The following PAPOLA variants were observed in gnomAD, a reference collection of about 807,000 sequenced individuals.
PAPOLA encodes the protein polynucleotide adenylyltransferase alpha.
A neutral mutation model predicts 100.6 loss-of-function variants in PAPOLA; 15 were observed. The observed-to-expected ratio is 0.15, with a 90% confidence interval of 0.10 to 0.23. PAPOLA has a LOEUF of 0.23. Among genes scored for constraint, PAPOLA ranks in the 10% least tolerant of loss-of-function variants. The probability of loss-of-function intolerance (pLI) is 1.00; values close to 1 mark genes in which losing one functional copy is unlikely to be tolerated. For missense variants in PAPOLA, 533 were observed against 884.2 expected, an observed-to-expected ratio of 0.60 and a Z score of 5.04; for synonymous variants, 293 against 300.0, an observed-to-expected ratio of 0.98 and a Z score of 0.24.
intron 1 of PAPOLA, among the ~76,000 whole-genome samples, chr14:96,518,234 A>G (rs1403337267): frequency 1.3e-5 from 2 of 152,232 alleles, no homozygotes; most frequent in Non-Finnish European, 2.9e-5. Flanking sequence ...TCCAGCAGCT[A>G]ATTAGTAACA....
Position 96,546,373 on chromosome 14 carries a change from A to G in PAPOLA, c.1400-1424A>G, listed in dbSNP as rs575838764. Among the ~76,000 whole-genome samples, 16 of 152,138 alleles carry G rather than the reference A, an allele frequency of 1.1e-4. No homozygotes were observed. In the South Asian group the frequency reaches 3.1e-3, roughly 30 times the overall value. ...TTGCCCCCTTCAGCTGTTCTTACCT[A>G]GTGTCCAGATGATATTTTTAAGCCA... is the stretch of plus-strand genomic sequence containing the variant. On this transcript the variant is annotated intron_variant, in intron 15 of 21. Coordinates refer to ENST00000216277, the MANE Select transcript of PAPOLA (RefSeq NM_032632.5).
At chr14:96,525,975 C>G (rs1440295896) in intron 4 of PAPOLA, 1 of 152,084 alleles carries the variant, frequency 6.6e-6, no homozygotes, top group Non-Finnish European at 1.5e-5. Context: ...AAAATGAATT[C>G]TAGCTTTTAA....
chr14:96,560,363 T>TA, intron 19 of PAPOLA: 1 of 244,230 alleles, frequency 4.1e-6, no homozygotes, highest in East Asian at 8.8e-5. Flanking sequence ...TTCTTTTCCT[T>TA]ACAAAATATA....
At chr14:96,558,573 A>G (rs1033720682) in intron 19 of PAPOLA, among the ~76,000 whole-genome samples, 2 of 152,138 alleles carry the variant, frequency 1.3e-5, no homozygotes, top group Non-Finnish European at 2.9e-5. Flanking sequence ...AGAATTTTTA[A>G]ACTTAAGTAT....
intron 6 of PAPOLA, among the ~76,000 whole-genome samples, chr14:96,530,331 A>G (rs758161347): frequency 2.6e-5 from 4 of 151,908 alleles, no homozygotes; most frequent in Non-Finnish European, 5.9e-5. Context: ...ACTGACAACC[A>G]GGTATTTGTA....
At chr14:96,504,719 T>TGTAGTA (rs1419309136) in intron 1 of PAPOLA, 1 of 152,214 alleles carries the variant, frequency 6.6e-6, no homozygotes, top group Non-Finnish European at 1.5e-5. Flanking sequence ...CGATAATTAC[T>TGTAGTA]GTAGTAAACA....
rs1900105674 is a variant in PAPOLA at position 96,542,889 on chromosome 14, G to A, written c.1285G>A (p.Asp429Asn). ...ATTTCCAGCACCCAAAGAAAATCCC[G>A]ACAAGTAAGCCCTTTTCTAATTTAA... The part of the protein sequence containing the change: ...QSFPAPKENP[D>N]KEEFRTMWVI... The change falls in exon 14 of 22, where the codon GAC becomes AAC. Residue 429 changes from aspartate (D) to asparagine (N), a missense_variant. Physicochemically the swap from Asp to Asn is conservative, Grantham distance 23. Coordinates refer to ENST00000216277, the MANE Select transcript of PAPOLA (RefSeq NM_032632.5). 4.3e-6 allele frequency: 7 copies of A among 1,611,444 alleles called. No individual in the cohort carries two copies. Among genetic ancestry groups the A allele is most frequent in the Non-Finnish European group, 5.1e-6 (6 of 1,179,270 alleles).
At chr14:96,504,283 A>G (rs1425218739) in intron 1 of PAPOLA, 3 of 152,380 alleles carry the variant, frequency 2.0e-5, no homozygotes, top group Admixed American at 6.5e-5. Flanking sequence ...TTTGTGTCTT[A>G]TTTCTAGGAA....
At chr14:96,529,115 A>G (rs553067800) in intron 6 of PAPOLA, among the ~76,000 whole-genome samples, 1 of 152,264 alleles carries the variant, frequency 6.6e-6, no homozygotes, top group Middle Eastern at 3.4e-3. Context: ...TGCTATATTA[A>G]AAAATAATAT....
intron 10 of PAPOLA, 183 bp from the exon 11 acceptor site, chr14:96,535,696 A>G (rs959816348): frequency 3.7e-6 from 3 of 813,806 alleles, no homozygotes; most frequent in Non-Finnish European, 4.9e-6. Flanking sequence ...GTTTAGATGA[A>G]ATCTTTGATT....
chr14:96,507,510 C>T (rs530108759), intron 1 of PAPOLA, among the ~76,000 whole-genome samples: 6 of 152,016 alleles, frequency 3.9e-5, no homozygotes, highest in South Asian at 2.1e-4. Flanking sequence ...CTCCTGACCT[C>T]GTGATCCGCC....
chr14:96,526,174 A>C (rs1898461318), intron 4 of PAPOLA: 1 of 152,224 alleles, frequency 6.6e-6, no homozygotes, highest in African/African-American at 2.4e-5. Context: ...ACATTTATTG[A>C]GCTTCTTTTC....
chr14:96,512,643 A>T (rs918299750), intron 1 of PAPOLA, among the ~76,000 whole-genome samples: 1 of 152,222 alleles, frequency 6.6e-6, no homozygotes, highest in Middle Eastern at 3.2e-3. Flanking sequence ...TATATTCTGC[A>T]ACTTTTTTTT....
In PAPOLA at chr14:96,520,086, C is replaced by G; in HGVS notation, c.40C>G (p.Gln14Glu). 1 of 1,613,490 alleles carries G rather than the reference C, an allele frequency of 6.2e-7. No homozygotes were observed. The highest frequency in any genetic ancestry group is 1.3e-5 in the African/African-American group (1 of 75,002). The change falls in exon 2 of 22, where the codon CAA (glutamine) becomes GAA (glutamate). Residue 14 changes from glutamine to glutamate, a missense_variant. Transcript: ENST00000216277. ...TACAACACAGGGATCACAACAAACACAACCGCCACAGAAGCACTATGGCAT... is the reference window on the plus strand; with the variant it reads ...TACAACACAGGGATCACAACAAACAGAACCGCCACAGAAGCACTATGGCAT... ...PVTTQGSQQT[Q>E]PPQKHYGITS...
chr14:96,561,762 G>A (rs1291905484), intron 20 of PAPOLA, among the ~76,000 whole-genome samples: 1 of 150,386 alleles, frequency 6.6e-6, no homozygotes, highest in African/African-American at 2.5e-5. Context: ...AAGGCTGCAT[G>A]TCTTCCATTC....
At chr14:96,559,002 C>A (rs574850831) in intron 19 of PAPOLA, among the ~76,000 whole-genome samples, 1 of 151,534 alleles carries the variant, frequency 6.6e-6, no homozygotes. Flanking sequence ...ATCCCTCCCC[C>A]ACTTTTCCCT....
intron 1 of PAPOLA, among the ~76,000 whole-genome samples, chr14:96,512,990 C>A (rs1897207301): frequency 6.6e-6 from 1 of 152,168 alleles, no homozygotes; most frequent in Admixed American, 6.5e-5. Flanking sequence ...AATTCGGGTC[C>A]CTATTTTGGT....
chr14:96,554,976 G>T (rs1296943696), intron 17 of PAPOLA, among the ~76,000 whole-genome samples: 1 of 152,094 alleles, frequency 6.6e-6, no homozygotes, highest in Non-Finnish European at 1.5e-5. Context: ...TGGTTGTTAA[G>T]TAGGAAGGTC....
intron 16 of PAPOLA, among the ~76,000 whole-genome samples, chr14:96,552,071 CT>C: frequency 6.6e-6 from 1 of 152,194 alleles, no homozygotes; most frequent in African/African-American, 2.4e-5. Flanking sequence ...AACAAAATCA[CT>C]TCTAGTCCCA....
Sources: allele counts gnomAD v4.1 joint callset (sites outside exome capture counted in the v4.1 genomes callset), GRCh38; gene constraint gnomAD v4.1.1; transcripts MANE v1.5; gene names NCBI Gene and HGNC (gene_info 2026-07-23, HGNC 2026-07-21).